SCHIP1: variants seen among roughly 807,000 people sequenced by gnomAD.
SCHIP1 encodes the protein schwannomin interacting protein 1.
In SCHIP1, 8 loss-of-function variants were observed where a neutral mutation model predicts 29.7. The observed-to-expected ratio is 0.27, with a 90% CI of 0.16 to 0.49. The LOEUF (loss-of-function observed/expected upper bound fraction) is 0.49, where lower values mean the gene tolerates loss of function less well. SCHIP1 is among the 20% of genes least tolerant of loss of function. The pLI is 0.99. For missense variants in SCHIP1, 193 were observed against 294.6 expected (o/e 0.66, Z 2.52); for synonymous variants, 76 against 94.9 (o/e 0.80, Z 1.16).
At chr3:159,737,558 G>A in the SCHIP1 span, among the ~76,000 whole-genome samples, 1,354 of 152,182 alleles carry the variant, frequency 8.9e-3, 8 homozygotes, top group South Asian at 0.022. Flanking sequence ...ACAGTTATGT[G>A]CTACTATTAT....
At chr3:159,392,932 G>C in the SCHIP1 span, among the ~76,000 whole-genome samples, 1 of 152,184 alleles carries the variant, frequency 6.6e-6, no homozygotes, top group Non-Finnish European at 1.5e-5. Flanking sequence ...CCCACCAACA[G>C]TGTAAAAGTG....
the SCHIP1 span, among the ~76,000 whole-genome samples, chr3:159,682,504 G>A: frequency 6.6e-6 from 1 of 152,198 alleles, no homozygotes; most frequent in South Asian, 2.1e-4. Context: ...GAGCTTAAAT[G>A]AGTAGATGGT....
At chr3:159,585,120 T>G in the SCHIP1 span, among the ~76,000 whole-genome samples, 2 of 151,998 alleles carry the variant, frequency 1.3e-5, no homozygotes, top group Admixed American at 6.6e-5. Context: ...GCTTTTTGTT[T>G]TTCTAAAACA....
chr3:159,315,015 A>G, the SCHIP1 span, among the ~76,000 whole-genome samples: 3 of 152,192 alleles, frequency 2.0e-5, no homozygotes, highest in Admixed American at 2.0e-4. Flanking sequence ...TTGCATGTAC[A>G]TATAGCCAAG....
the SCHIP1 span, among the ~76,000 whole-genome samples, chr3:159,380,324 G>A: frequency 6.6e-5 from 10 of 152,044 alleles, no homozygotes; most frequent in Admixed American, 3.3e-4. Flanking sequence ...AACAGCTGTC[G>A]GTTGCTTTGT....
chr3:159,525,984 T>G, the SCHIP1 span, among the ~76,000 whole-genome samples: 13 of 152,390 alleles, frequency 8.5e-5, no homozygotes, highest in East Asian at 9.6e-4. Context: ...CATATTTTAA[T>G]GTATTTGGAA....
chr3:159,363,995 T>C, the SCHIP1 span, among the ~76,000 whole-genome samples: 1 of 152,246 alleles, frequency 6.6e-6, no homozygotes, highest in Non-Finnish European at 1.5e-5. Context: ...AATTCTAAAA[T>C]AGCAAACTTT....
At chr3:159,683,920 C>T in the SCHIP1 span, among the ~76,000 whole-genome samples, 1 of 150,042 alleles carries the variant, frequency 6.7e-6, no homozygotes, top group East Asian at 1.9e-4. Context: ...TGTAAAACTT[C>T]TCTCTCTCTC....
the SCHIP1 span, among the ~76,000 whole-genome samples, chr3:159,665,754 T>A: frequency 2.6e-5 from 4 of 152,152 alleles, no homozygotes; most frequent in Admixed American, 2.6e-4. Flanking sequence ...TGTGAAAAGT[T>A]GTCTCATTTC....
chr3:159,758,932 T>A, the SCHIP1 span, among the ~76,000 whole-genome samples: 33 of 152,354 alleles, frequency 2.2e-4, no homozygotes, highest in East Asian at 6.0e-3. Context: ...TTCAGGATAA[T>A]CTTCATTTCA....
chr3:159,764,774 G>C, the SCHIP1 span: 1 of 1,568,348 alleles, frequency 6.4e-7, no homozygotes, highest in Non-Finnish European at 8.6e-7. This position sits in a 1 kb window ranked among gnomAD's most constrained non-coding sequence, Gnocchi z 6.1. Flanking sequence ...ACCCGCAGCG[G>C]CGGCGGCGGG....
At chr3:159,491,024 A>C in the SCHIP1 span, among the ~76,000 whole-genome samples, 1 of 152,220 alleles carries the variant, frequency 6.6e-6, no homozygotes, top group Non-Finnish European at 1.5e-5. Flanking sequence ...CATTAAAATT[A>C]GTAGTTTGGA....
At chr3:159,381,639 A>T in the SCHIP1 span, among the ~76,000 whole-genome samples, 1 of 151,860 alleles carries the variant, frequency 6.6e-6, no homozygotes, top group Non-Finnish European at 1.5e-5. Context: ...TCCATTACCA[A>T]GGCTGGAGTG....
the SCHIP1 span, among the ~76,000 whole-genome samples, chr3:159,336,883 G>A: frequency 6.6e-6 from 1 of 152,130 alleles, no homozygotes; most frequent in African/African-American, 2.4e-5. Context: ...TGTGAAGAAA[G>A]TCATTGGTAG....
At chr3:159,664,689 G>A in the SCHIP1 span, among the ~76,000 whole-genome samples, 18 of 152,340 alleles carry the variant, frequency 1.2e-4, no homozygotes, top group Admixed American at 5.2e-4. Flanking sequence ...CTATAGGGTA[G>A]AGAGAGCACC....
the SCHIP1 span, among the ~76,000 whole-genome samples, chr3:159,787,882 G>T: frequency 6.6e-6 from 1 of 152,092 alleles, no homozygotes; most frequent in African/African-American, 2.4e-5. Flanking sequence ...CCTCATCTGA[G>T]CCTGAATCCT....
the SCHIP1 span, among the ~76,000 whole-genome samples, chr3:159,360,820 G>T: frequency 6.6e-6 from 1 of 152,042 alleles, no homozygotes; most frequent in Non-Finnish European, 1.5e-5. Flanking sequence ...CTGACCATTT[G>T]TTTTTAAATC....
At chr3:159,859,497 A>G (rs1251600661) in intron 1 of SCHIP1, among the ~76,000 whole-genome samples, 6 of 152,244 alleles carry the variant, frequency 3.9e-5, no homozygotes, top group Non-Finnish European at 7.3e-5. Context: ...AAGGAAGAGT[A>G]CTTTTCCACA....
chr3:159,738,665 C>T, the SCHIP1 span, among the ~76,000 whole-genome samples: 1 of 152,032 alleles, frequency 6.6e-6, no homozygotes, highest in Non-Finnish European at 1.5e-5. Flanking sequence ...GGGGGTATAA[C>T]AACAAACAAA....
Sources: gnomAD v4.1 joint callset for allele counts (sites outside exome capture counted in the v4.1 genomes callset) on GRCh38, gnomAD v4.1.1 for gene constraint, Gnocchi (gnomAD v3.1) non-coding constraint, MANE v1.5 for transcripts, NCBI Gene and HGNC (gene_info 2026-07-23, HGNC 2026-07-21) for gene names.